Variants in DAPK1 observed in about 807,000 individuals in gnomAD.
DAPK1 encodes death associated protein kinase 1.
Under a neutral mutation model 144.9 loss-of-function variants are expected in DAPK1, and 56 were observed. The observed-to-expected ratio is 0.39, with a 90% CI of 0.31 to 0.48. DAPK1 has a LOEUF of 0.48. Ranked by LOEUF, DAPK1 falls within the 20% of genes least tolerant of loss-of-function variation. DAPK1 has a pLI of 0.95. For missense variants in DAPK1, 1,454 were observed against 1,875.4 expected (o/e 0.78, Z 4.15); for synonymous variants, 690 against 749.0 (o/e 0.92, Z 1.29).
intron 2 of DAPK1, among the ~76,000 whole-genome samples, chr9:87,530,464 T>G (rs1269885555): frequency 6.6e-6 from 1 of 152,168 alleles, no homozygotes; most frequent in Non-Finnish European, 1.5e-5. Context: ...TCTCCAAGGG[T>G]CAAATCTTAT....
intron 18 of DAPK1, among the ~76,000 whole-genome samples, chr9:87,666,419 G>A (rs1429723525): frequency 6.6e-6 from 1 of 152,018 alleles, no homozygotes; most frequent in African/African-American, 2.4e-5. Context: ...AAGCTGTAAA[G>A]TGCAGTGCAA....
chr9:87,706,344 C>T lies in DAPK1; in HGVS notation c.3273C>T (p.Cys1091=), dbSNP rs375370588. 15 of 1,606,928 alleles carry T rather than the reference C, an allele frequency of 9.3e-6. No individual in the cohort carries two copies. Among genetic ancestry groups the T allele is most frequent in the Middle Eastern group, 1.6e-4 (1 of 6,074 alleles). The part of the protein sequence containing the change: ...LLQILDAMDI[C]ARDLSSGTMV... ...AGATCCTCGATGCCATGGACATCTG[C>T]GCCCGGGACCTGAGCAGCGGGACCA... is the stretch of plus-strand genomic sequence containing the variant. The change falls in exon 26 of 26, where the codon TGC becomes TGT. Residue 1091 remains cysteine (C), a synonymous_variant. Coordinates refer to ENST00000408954, the MANE Select transcript of DAPK1 (RefSeq NM_004938.4). The surrounding 1 kb of genome is among the most constrained non-coding windows in gnomAD (Gnocchi z 9.0).
At chr9:87,553,731 A>T (rs2118585848) in intron 2 of DAPK1, 1 of 152,298 alleles carries the variant, frequency 6.6e-6, no homozygotes, top group East Asian at 1.9e-4. Context: ...CCTGACATCA[A>T]GTGATCCGCC....
chr9:87,708,592 G>GT lies in DAPK1; in HGVS notation c.*1235dup, dbSNP rs200951613. 1.3e-5 allele frequency: 2 copies of GT among 152,264 alleles called. No individual in the cohort carries two copies. Among genetic ancestry groups the GT allele is most frequent in the East Asian group, 1.9e-4 (1 of 5,174 alleles). 9.4% of individuals were successfully genotyped at this position (152,264 alleles called of 1,614,324 possible). ...ATAAAATGTCGTTAAAAAGTTGTTTGTTTTTTTCTTTTTTTATAAATAAAC... is the reference window on the plus strand; with the variant it reads ...ATAAAATGTCGTTAAAAAGTTGTTTGTTTTTTTTCTTTTTTTATAAATAAAC... On this transcript the variant is annotated 3_prime_UTR_variant, in exon 26 of 26. Coordinates refer to ENST00000408954, the MANE Select transcript of DAPK1 (RefSeq NM_004938.4).
chr9:87,697,603 G>C (rs1206681551), intron 22 of DAPK1, among the ~76,000 whole-genome samples: 1 of 152,170 alleles, frequency 6.6e-6, no homozygotes, highest in Non-Finnish European at 1.5e-5. Context: ...TTTACCTAAA[G>C]GGTACAGAAT....
In DAPK1 at chr9:87,648,855, C is replaced by G; in HGVS notation, c.1404C>G (p.Gly468=). 6.2e-7 allele frequency: 1 copy of G among 1,614,224 alleles called. No homozygotes were observed. Among genetic ancestry groups the G allele is most frequent in the Non-Finnish European group, 8.5e-7 (1 of 1,180,014 alleles). ...ADVAQLLCSF[G]SNPNIQDKEE... is the part of the protein sequence containing the mutation. ...TGGCTCAGTTACTGTGCAGCTTCGGCTCAAATCCCAATATCCAGGACAAGG... is the reference window on the plus strand; with the variant it reads ...TGGCTCAGTTACTGTGCAGCTTCGGGTCAAATCCCAATATCCAGGACAAGG... Residue 468 remains glycine, a synonymous_variant, in exon 15 of 26, where the codon GGC becomes GGG. Coordinates refer to ENST00000408954, the MANE Select transcript of DAPK1 (RefSeq NM_004938.4).
At chr9:87,657,631 G>A (rs2119211937) in intron 17 of DAPK1, 1 of 243,960 alleles carries the variant, frequency 4.1e-6, no homozygotes, top group African/African-American at 2.3e-5. Context: ...AAGGCTTATG[G>A]GCTTGTCCTG....
chr9:87,666,927 CTT>C (rs1831080800), intron 18 of DAPK1, among the ~76,000 whole-genome samples: 1 of 152,190 alleles, frequency 6.6e-6, no homozygotes. Flanking sequence ...GGGCAGGAAA[CTT>C]CAGTCAAGGC....
chr9:87,598,183 A>G (rs558088151), intron 2 of DAPK1, among the ~76,000 whole-genome samples: 3 of 152,330 alleles, frequency 2.0e-5, no homozygotes, highest in African/African-American at 4.8e-5. Context: ...TCTGGCAGCA[A>G]AAGTCTTCTG....
At position 87,652,297 on chromosome 9, in the gene DAPK1, C is replaced by G. The variant is rs1238058422; in HGVS notation, c.1824+573C>G. Among the ~76,000 whole-genome samples the G allele has an allele frequency of 4.3e-4, 58 of 134,696 alleles. No homozygotes were observed. In the East Asian group the frequency reaches 5.0e-3, roughly 12 times the overall value. The allele number at this position is 134,696 out of a possible 152,430, so 88.4% of individuals were successfully genotyped here. A position where few individuals can be genotyped will look rare whatever the true frequency, so the allele number is the denominator to read the frequency against. On this transcript the variant is annotated intron_variant, in intron 17 of 25. Transcript: ENST00000408954. ...ATCCCGGGTCCTGATTCTGTGTCCTCCCACCTGATCCCAGGTCCTGATTCT... is the reference window on the plus strand; with the variant it reads ...ATCCCGGGTCCTGATTCTGTGTCCTGCCACCTGATCCCAGGTCCTGATTCT...
At position 87,648,838 on chromosome 9, in the gene DAPK1, T is replaced by G; in HGVS notation, c.1387T>G (p.Leu463Val). 1 of 1,614,196 alleles carries G rather than the reference T, an allele frequency of 6.2e-7. No individual in the cohort carries two copies. Among genetic ancestry groups the G allele is most frequent in the Non-Finnish European group, 8.5e-7 (1 of 1,180,020 alleles). ...CTATGGCCATGCTGACGTGGCTCAG[T>G]TACTGTGCAGCTTCGGCTCAAATCC... ...ARYGHADVAQ[L>V]LCSFGSNPNI... Residue 463 changes from leucine (L) to valine (V), a missense_variant, in exon 15 of 26, where the codon TTA becomes GTA. This residue lies in a region of DAPK1 where 429 missense variants were observed against 637.5 expected (regional missense o/e 0.67). Transcript: ENST00000408954.
At chr9:87,650,704 A>G (rs1003280515) in intron 16 of DAPK1, among the ~76,000 whole-genome samples, 2 of 152,172 alleles carry the variant, frequency 1.3e-5, no homozygotes, top group African/African-American at 4.8e-5. Flanking sequence ...CTTTGTATAG[A>G]GCAATGGTTC....
intron 17 of DAPK1, among the ~76,000 whole-genome samples, chr9:87,655,486 T>G (rs7868817): frequency 2.0e-5 from 3 of 152,166 alleles, no homozygotes; most frequent in Non-Finnish European, 2.9e-5. Flanking sequence ...AGTAACTGAT[T>G]GTGAGCGTGG....
At chr9:87,628,320 G>A (rs542155704) in intron 3 of DAPK1, among the ~76,000 whole-genome samples, 2 of 152,346 alleles carry the variant, frequency 1.3e-5, no homozygotes, top group African/African-American at 4.8e-5. Context: ...ATTCAGAGGA[G>A]GCCTTAAGGT....
chr9:87,630,647 C>T (rs927497941), intron 3 of DAPK1, among the ~76,000 whole-genome samples: 2 of 152,138 alleles, frequency 1.3e-5, no homozygotes, highest in East Asian at 1.9e-4. Flanking sequence ...GTCCTGGATT[C>T]GAGGAGCTGG....
intron 2 of DAPK1, among the ~76,000 whole-genome samples, chr9:87,572,610 G>A (rs1051065720): frequency 6.6e-6 from 1 of 152,048 alleles, no homozygotes; most frequent in Admixed American, 6.6e-5. Flanking sequence ...AAAAGTGTGT[G>A]GTTCCTCCCC....
rs36204197 is a variant in DAPK1 at position 87,573,461 on chromosome 9, G to A, written c.63-31493G>A. Among the ~76,000 whole-genome samples, 976 of 152,348 alleles carry A rather than the reference G, an allele frequency of 6.4e-3. 4 individuals are homozygous for A. The highest frequency in any genetic ancestry group is 0.011 in the Admixed American group (161 of 15,308). On this transcript the variant is annotated intron_variant, in intron 2 of 25. Transcript: ENST00000408954. Reference sequence around the variant, plus strand: ...AGTAATACAACATCCAGAGATGATGGGAGAAGGAGCAGAGAGGGAGGGAGG... The same window carrying A: ...AGTAATACAACATCCAGAGATGATGAGAGAAGGAGCAGAGAGGGAGGGAGG...
intron 3 of DAPK1, among the ~76,000 whole-genome samples, chr9:87,611,730 C>T (rs895427562): frequency 6.6e-6 from 1 of 152,226 alleles, no homozygotes; most frequent in African/African-American, 2.4e-5. Context: ...GCTGGAATTA[C>T]AGTTGTGAGC....
At chr9:87,597,102 AAG>A (rs1290879410) in intron 2 of DAPK1, among the ~76,000 whole-genome samples, 1 of 152,164 alleles carries the variant, frequency 6.6e-6, no homozygotes, top group African/African-American at 2.4e-5. Context: ...GTTGGCTTCC[AAG>A]AGGGAGCTTC....
Sources: allele counts gnomAD v4.1 joint callset (sites outside exome capture counted in the v4.1 genomes callset), GRCh38; gene constraint gnomAD v4.1.1; regional missense constraint gnomAD v4.1.1; non-coding constraint Gnocchi (gnomAD v3.1); transcripts MANE v1.5; gene names NCBI Gene and HGNC (gene_info 2026-07-23, HGNC 2026-07-21).